The following RPS6KA6 variants were observed in gnomAD, a reference collection of about 807,000 sequenced individuals.
RPS6KA6 encodes the protein ribosomal protein S6 kinase alpha-6.
Under a neutral mutation model 65.4 loss-of-function variants are expected in RPS6KA6, and 27 were observed. The observed-to-expected ratio is 0.41, with a 90% CI of 0.30 to 0.57. The LOEUF is 0.57. RPS6KA6 is among the 20% of genes least tolerant of loss of function. RPS6KA6 has a pLI of 0.24. For synonymous variants in RPS6KA6, 190 were observed against 184.2 expected (o/e 1.03, Z -0.26); for missense variants, 486 against 555.6 (o/e 0.87, Z 1.26).
intron 11 of RPS6KA6, 67 bp downstream of exon 11, chrX:84,116,993 A>T (rs545928991): frequency 7.0e-6 from 5 of 717,227 alleles, no homozygotes; most frequent in Non-Finnish European, 8.2e-6. Flanking sequence ...ACAAGAAAAC[A>T]TAAAGATTTA....
intron 4 of RPS6KA6, among the ~76,000 whole-genome samples, chrX:84,147,307 TTTG>T (rs1047907653): frequency 9.0e-6 from 1 of 111,434 alleles, no homozygotes; most frequent in Non-Finnish European, 1.9e-5. Flanking sequence ...GTGTTCATCT[TTTG>T]TTGTTGTTGT....
chrX:84,110,572 G>GT (rs1346425903), intron 12 of RPS6KA6, among the ~76,000 whole-genome samples: 59 of 111,857 alleles, frequency 5.3e-4, no homozygotes, highest in Non-Finnish European at 2.4e-4. Flanking sequence ...AGATTGAACT[G>GT]TAAAACCCAA....
At chrX:84,176,866 T>C (rs762687445) in intron 1 of RPS6KA6, among the ~76,000 whole-genome samples, 84 of 111,892 alleles carry the variant, frequency 7.5e-4, no homozygotes, top group Non-Finnish European at 1.4e-3. Context: ...AAGTCAAAAA[T>C]AGACAGCTAT....
chrX:84,120,428 AT>A (rs1217835644), intron 8 of RPS6KA6, among the ~76,000 whole-genome samples: 1 of 111,625 alleles, frequency 9.0e-6, no homozygotes, highest in African/African-American at 3.2e-5. Context: ...GTGAGCTTCC[AT>A]TTTTGTTCAA....
chrX:84,079,961 G>A (rs2147354565), intron 20 of RPS6KA6, among the ~76,000 whole-genome samples: 1 of 112,054 alleles, frequency 8.9e-6, no homozygotes, highest in South Asian at 3.7e-4. Flanking sequence ...TCCCAGCGCA[G>A]CGCTCGAGCT....
intron 20 of RPS6KA6, among the ~76,000 whole-genome samples, chrX:84,085,405 A>C (rs2147371134): frequency 9.0e-6 from 1 of 111,439 alleles, no homozygotes; most frequent in South Asian, 3.7e-4. Context: ...TTTAACATGA[A>C]GTGATGTTGA....
In RPS6KA6 at chrX:84,107,661, A is replaced by G. The variant is rs1434705543; in HGVS notation, c.1073T>C (p.Phe358Ser). 1 of 1,201,108 alleles carries G rather than the reference A, an allele frequency of 8.3e-7. No individual in the cohort carries two copies. The highest frequency in any genetic ancestry group is 3.0e-5 in the East Asian group (1 of 33,531). ...TGCAGTAAATTCAGGATCAAAACAA[A>G]AAGTATCATCTGGTTTTCCAGAAGC... ...KPASGKPDDT[F>S]CFDPEFTAKT... Residue 358 changes from phenylalanine to serine, a missense_variant, in exon 13 of 22, where the codon TTT becomes TCT. Phe to Ser is a radical substitution (Grantham distance 155). This residue lies in a region of RPS6KA6 where 345 missense variants were observed against 375.0 expected (regional missense o/e 0.92). Transcript: ENST00000262752.
intron 8 of RPS6KA6, among the ~76,000 whole-genome samples, chrX:84,133,274 A>G: frequency 8.9e-6 from 1 of 112,082 alleles, no homozygotes; most frequent in East Asian, 2.8e-4. Flanking sequence ...AAATCCATAA[A>G]TGTAGTCATT....
chrX:84,070,805 C>T (rs1015089940), intron 20 of RPS6KA6, among the ~76,000 whole-genome samples: 1 of 110,812 alleles, frequency 9.0e-6, no homozygotes, highest in Non-Finnish European at 1.9e-5. Context: ...ATGAAACAAA[C>T]CTAAATGGTT....
At chrX:84,172,144 G>A (rs748956649) in intron 1 of RPS6KA6, among the ~76,000 whole-genome samples, 54 of 111,812 alleles carry the variant, frequency 4.8e-4, no homozygotes, top group Middle Eastern at 4.6e-3. Flanking sequence ...ATAAACATGC[G>A]TGTTTATATA....
intron 20 of RPS6KA6, among the ~76,000 whole-genome samples, chrX:84,093,466 C>T (rs745897519): frequency 8.9e-6 from 1 of 111,932 alleles, no homozygotes; most frequent in Admixed American, 9.5e-5. Context: ...GAACTAAAGT[C>T]ACCCGATCCA....
chrX:84,064,396 T>C lies in RPS6KA6; in HGVS notation c.2119A>G (p.Met707Val), dbSNP rs145715341. The C allele has an allele frequency of 3.5e-4, 420 of 1,193,229 alleles. No individual in the cohort carries two copies. The highest frequency in any genetic ancestry group is 1.0e-3 in the African/African-American group (56 of 55,816). The change falls in exon 22 of 22, where the codon ATG becomes GTG. Residue 707 changes from methionine to valine, a missense_variant. Physicochemically the swap from Met to Val is conservative, Grantham distance 21 (BLOSUM62 1). This residue lies in a region of RPS6KA6 where 345 missense variants were observed against 375.0 expected (regional missense o/e 0.92). Transcript: ENST00000262752. ...NDVSHVVKGA[M>V]VATYSALTHK... ...GTCAGGGCAGAGTATGTTGCAACCATTGCTCCCTAAAGTAATGAGAAAATG... is the reference window on the plus strand; with the variant it reads ...GTCAGGGCAGAGTATGTTGCAACCACTGCTCCCTAAAGTAATGAGAAAATG...
intron 17 of RPS6KA6, among the ~76,000 whole-genome samples, chrX:84,102,710 T>C (rs1052992463): frequency 3.6e-5 from 4 of 110,709 alleles, no homozygotes; most frequent in African/African-American, 6.6e-5. Context: ...GAGTACACAC[T>C]TTGTTGAAGG....
At chrX:84,152,673 TG>T (rs1468378178) in intron 3 of RPS6KA6, among the ~76,000 whole-genome samples, 10 of 111,559 alleles carry the variant, frequency 9.0e-5, no homozygotes, top group Non-Finnish European at 1.1e-4. Context: ...TGCTGGACAC[TG>T]GGGGATACAG....
intron 20 of RPS6KA6, among the ~76,000 whole-genome samples, chrX:84,075,738 T>G (rs996381846): frequency 9.2e-6 from 1 of 109,152 alleles, no homozygotes; most frequent in African/African-American, 3.3e-5. Context: ...GCAACATATT[T>G]AACATACTGA....
intron 14 of RPS6KA6, 74 bp from the exon 15 acceptor site, chrX:84,106,561 T>C: frequency 1.4e-5 from 10 of 717,026 alleles, no homozygotes; most frequent in Non-Finnish European, 2.0e-5. Flanking sequence ...GTCCTAAATA[T>C]ACATTCATCT....
chrX:84,128,594 A>T, intron 8 of RPS6KA6, among the ~76,000 whole-genome samples: 1 of 112,006 alleles, frequency 8.9e-6, no homozygotes, highest in Middle Eastern at 4.6e-3. Flanking sequence ...ACATTATCTA[A>T]CTTCAAATTA....
intron 6 of RPS6KA6, among the ~76,000 whole-genome samples, chrX:84,141,472 T>C (rs2035102178): frequency 2.8e-5 from 3 of 105,333 alleles, no homozygotes; most frequent in Admixed American, 1.0e-4. Context: ...AAAGAACAAA[T>C]GGGACCAAAA....
intron 8 of RPS6KA6, among the ~76,000 whole-genome samples, chrX:84,129,121 A>G (rs1235940025): frequency 9.0e-6 from 1 of 111,655 alleles, no homozygotes; most frequent in Non-Finnish European, 1.9e-5. Context: ...TAACAAGAAT[A>G]CATAAGGAGC....
Sources: gnomAD v4.1 joint callset for allele counts (sites outside exome capture counted in the v4.1 genomes callset) on GRCh38, gnomAD v4.1.1 for gene constraint, gnomAD v4.1.1 regional missense constraint, MANE v1.5 for transcripts, NCBI Gene and HGNC (gene_info 2026-07-23, HGNC 2026-07-21) for gene names.